The following OR5AK2 variants were observed in gnomAD, a reference collection of about 807,000 sequenced individuals.
The protein encoded by OR5AK2 is olfactory receptor family 5 subfamily AK member 2.
For missense variants in OR5AK2, 438 were observed against 366.3 expected (o/e 1.20, Z -1.60); for synonymous variants, 176 against 128.2 (o/e 1.37, Z -2.52).
chr11:56,988,985 G>A lies in OR5AK2; in HGVS notation c.72G>A (p.Trp24Ter). The A allele has an allele frequency of 1.2e-6, 2 of 1,613,728 alleles. No individual in the cohort carries two copies. Among genetic ancestry groups the A allele is most frequent in the Non-Finnish European group, 1.7e-6 (2 of 1,179,758 alleles). ...GATTTGGTGCCCAGCATGAGTTTTG[G>A]TGTATCCTCTTCATTGTATTCCTTC... is the stretch of plus-strand genomic sequence containing the variant. ...LLGFGAQHEF[W>*]CILFIVFLLI... Residue 24 changes from tryptophan to a stop codon, truncating the protein, a stop_gained, in exon 1 of 1, where the codon TGG (tryptophan) becomes TGA (stop). Transcript: ENST00000326855. LOFTEE classifies it low-confidence loss of function (END_TRUNC).
In OR5AK2 at chr11:56,989,216, C is replaced by T. The variant is rs754633620; in HGVS notation, c.303C>T (p.Phe101=). The T allele has an allele frequency of 3.7e-6, 6 of 1,614,052 alleles. No individual in the cohort carries two copies. Among genetic ancestry groups the T allele is most frequent in the Non-Finnish European group, 5.1e-6 (6 of 1,179,956 alleles). ...TATTTCAGGGCTGTGTGATACAATT[C>T]TTAGTTTATGCAACATTTGCAACCA... ...LMLFQGCVIQ[F]LVYATFATSD... is the part of the protein sequence containing the mutation. The change falls in exon 1 of 1, where the codon TTC becomes TTT. Residue 101 remains phenylalanine (F), a synonymous_variant. Coordinates refer to ENST00000326855, the MANE Select transcript of OR5AK2 (RefSeq NM_001005323.1).
chr11:56,989,346 G>A lies in OR5AK2; in HGVS notation c.433G>A (p.Val145Ile). Residue 145 changes from valine (V) to isoleucine (I), a missense_variant, in exon 1 of 1, where the codon GTA becomes ATA. Physicochemically the swap from Val to Ile is conservative, Grantham distance 29 (BLOSUM62 3). Coordinates refer to ENST00000326855, the MANE Select transcript of OR5AK2 (RefSeq NM_001005323.1). ...GTCCCGAACAGTCTGCATCCGTTTGGTAGCTGGTTCATACATCATGGGCTC... is the reference window on the plus strand; with the variant it reads ...GTCCCGAACAGTCTGCATCCGTTTGATAGCTGGTTCATACATCATGGGCTC... ...IMSRTVCIRL[V>I]AGSYIMGSIN... The A allele has an allele frequency of 1.9e-6, 3 of 1,614,076 alleles. No individual in the cohort carries two copies. The highest frequency in any genetic ancestry group is 1.7e-6 in the Non-Finnish European group (2 of 1,179,976).
In OR5AK2 at chr11:56,988,997, C is replaced by G. The variant is rs751701542; in HGVS notation, c.84C>G (p.Phe28Leu). The change falls in exon 1 of 1, where the codon TTC becomes TTG. Residue 28 changes from phenylalanine (F) to leucine (L), a missense_variant. Coordinates refer to ENST00000326855, the MANE Select transcript of OR5AK2 (RefSeq NM_001005323.1). ...AGCATGAGTTTTGGTGTATCCTCTT[C>G]ATTGTATTCCTTCTCATCTATGTGA... ...GAQHEFWCIL[F>L]IVFLLIYVTS... 6.8e-6 allele frequency: 11 copies of G among 1,613,376 alleles called. No individual in the cohort carries two copies. Among genetic ancestry groups the G allele is most frequent in the African/African-American group, 6.7e-5 (5 of 74,920 alleles).
Sources: allele counts gnomAD v4.1 joint callset, GRCh38; gene constraint gnomAD v4.1.1; transcripts MANE v1.5; gene names NCBI Gene and HGNC (gene_info 2026-07-23, HGNC 2026-07-21).